MAGI1: variants seen among roughly 807,000 people sequenced by gnomAD.
MAGI1 encodes membrane associated guanylate kinase, WW and PDZ domain containing 1, also known as membrane-associated guanylate kinase, WW and PDZ domain-containing protein 1.
A neutral mutation model predicts 139.9 loss-of-function variants in MAGI1; 58 were observed. The observed-to-expected ratio is 0.41, with a 90% confidence interval of 0.34 to 0.52. The LOEUF is 0.52. Ranked by LOEUF, MAGI1 falls within the 20% of genes least tolerant of loss-of-function variation. The probability of loss-of-function intolerance (pLI) is 0.12; values close to 1 mark genes in which losing one functional copy is unlikely to be tolerated. For synonymous variants in MAGI1, 812 were observed against 737.9 expected, an observed-to-expected ratio of 1.10 and a Z score of -1.63; for missense variants, 1,874 against 1,901.6, an observed-to-expected ratio of 0.99 and a Z score of 0.27.
intron 6 of MAGI1, chr3:65,452,454 A>G (rs1949086944): frequency 6.6e-6 from 1 of 152,246 alleles, no homozygotes; most frequent in Non-Finnish European, 1.5e-5. Flanking sequence ...CCAGAATTGA[A>G]TAATGAGTAG....
intron 1 of MAGI1, among the ~76,000 whole-genome samples, chr3:65,872,403 G>C (rs987110704): frequency 5.3e-5 from 8 of 151,988 alleles, no homozygotes; most frequent in Non-Finnish European, 1.2e-4. Context: ...ATACATATTA[G>C]CCTGTCCCCT....
In MAGI1 at chr3:65,478,731, G is replaced by T; in HGVS notation, c.618C>A (p.Ala206=). The T allele has an allele frequency of 1.2e-6, 2 of 1,614,106 alleles. No homozygotes were observed. Among genetic ancestry groups the T allele is most frequent in the South Asian group, 2.2e-5 (2 of 91,080 alleles). ...PVSGKVITTD[A]LHSLQSGSKQ... Reference sequence around the variant, plus strand: ...TAGAGCCAGACTGAAGGCTGTGCAAGGCATCCGTCGTGATCACTTTCCCAC... The same window carrying T: ...TAGAGCCAGACTGAAGGCTGTGCAATGCATCCGTCGTGATCACTTTCCCAC... The change falls in exon 4 of 23, where the codon GCC becomes GCA. Residue 206 remains alanine (A), a synonymous_variant. Transcript: ENST00000402939.
At chr3:65,693,192 G>A (rs2088834872) in intron 1 of MAGI1, among the ~76,000 whole-genome samples, 1 of 152,056 alleles carries the variant, frequency 6.6e-6, no homozygotes, top group African/African-American at 2.4e-5. Context: ...CAATCCTCCC[G>A]CCTCAGCCTC....
intron 1 of MAGI1, among the ~76,000 whole-genome samples, chr3:65,882,166 G>A (rs113698289): frequency 1.3e-5 from 2 of 152,160 alleles, no homozygotes; most frequent in Non-Finnish European, 2.9e-5. Flanking sequence ...GGGTTGATGT[G>A]AGTTTCTTGG....
At chr3:66,010,646 C>T (rs1045909481) in intron 1 of MAGI1, among the ~76,000 whole-genome samples, 4 of 152,174 alleles carry the variant, frequency 2.6e-5, no homozygotes, top group Admixed American at 1.3e-4. Context: ...ATTAGTAGGA[C>T]AGCTCTTTGA....
intron 1 of MAGI1, among the ~76,000 whole-genome samples, chr3:65,913,656 T>C (rs1047474843): frequency 2.0e-5 from 3 of 152,132 alleles, no homozygotes; most frequent in Non-Finnish European, 4.4e-5. Flanking sequence ...GCCTTTCAAA[T>C]CCCTAACAAA....
intron 1 of MAGI1, among the ~76,000 whole-genome samples, chr3:65,967,455 G>C: frequency 6.6e-6 from 1 of 152,076 alleles, no homozygotes; most frequent in Non-Finnish European, 1.5e-5. Flanking sequence ...ACCCCGACCT[G>C]CCTCCCCTCC....
At position 65,470,394 on chromosome 3, in the gene MAGI1, G is replaced by C. The variant is rs1396032724; in HGVS notation, c.848C>G (p.Pro283Arg). The C allele has an allele frequency of 2.5e-6, 4 of 1,613,904 alleles. No homozygotes were observed. Among genetic ancestry groups the C allele is most frequent in the Non-Finnish European group, 3.4e-6 (4 of 1,179,870 alleles). The change falls in exon 5 of 23, where the codon CCT becomes CGT. Residue 283 changes from proline to arginine, a missense_variant. Coordinates refer to ENST00000402939, the MANE Select transcript of MAGI1 (RefSeq NM_001033057.2). Reference sequence around the variant, plus strand: ...TAGGTATTGAGGGAACTTCTGAGAAGGGTCCGTGATGGGAGCAGCGATGAT... The same window carrying C: ...TAGGTATTGAGGGAACTTCTGAGAACGGTCCGTGATGGGAGCAGCGATGAT... ...SSIIAAPITD[P>R]SQKFPQYLPL...
At chr3:65,716,351 T>C (rs2032244396) in intron 1 of MAGI1, among the ~76,000 whole-genome samples, 1 of 152,144 alleles carries the variant, frequency 6.6e-6, no homozygotes, top group South Asian at 2.1e-4. Context: ...ATAAATATAT[T>C]TCATCCTGAG....
At chr3:65,609,852 T>C (rs191057542) in intron 2 of MAGI1, 132 of 243,544 alleles carry the variant, frequency 5.4e-4, no homozygotes, top group African/African-American at 2.4e-3. Flanking sequence ...GTTGGGATTA[T>C]AGGCTTGAGC....
chr3:65,474,977 T>C (rs1330086322), intron 4 of MAGI1, among the ~76,000 whole-genome samples: 1 of 152,152 alleles, frequency 6.6e-6, no homozygotes, highest in East Asian at 1.9e-4. Flanking sequence ...ATATAGTCCA[T>C]ACTTGAGAAA....
chr3:65,726,208 AG>A (rs2033588467), intron 1 of MAGI1, among the ~76,000 whole-genome samples: 1 of 152,288 alleles, frequency 6.6e-6, no homozygotes, highest in East Asian at 1.9e-4. Flanking sequence ...ATCTTATTTA[AG>A]CTATGCCACC....
chr3:65,920,780 C>T (rs1476358563), intron 1 of MAGI1, among the ~76,000 whole-genome samples: 1 of 152,152 alleles, frequency 6.6e-6, no homozygotes, highest in Non-Finnish European at 1.5e-5. Flanking sequence ...CCTGTAATCC[C>T]AGCACTTTGG....
intron 1 of MAGI1, among the ~76,000 whole-genome samples, chr3:66,016,825 G>A (rs548832586): frequency 6.6e-6 from 1 of 152,330 alleles, no homozygotes; most frequent in East Asian, 1.9e-4. Flanking sequence ...TAGAAGGAAG[G>A]AAATTCTGAC....
At chr3:65,359,671 T>G in intron 22 of MAGI1, 1 of 986,912 alleles carries the variant, frequency 1.0e-6, no homozygotes, top group Non-Finnish European at 1.2e-6. Flanking sequence ...ATTAGAGAGA[T>G]TTAGTCCAAG....
chr3:65,938,858 C>T (rs907992477), intron 1 of MAGI1, among the ~76,000 whole-genome samples: 8 of 152,266 alleles, frequency 5.3e-5, no homozygotes, highest in African/African-American at 1.2e-4. Flanking sequence ...TCCTCAAAGA[C>T]AAAAGAACTG....
At chr3:66,023,490 AT>A (rs1369744088) in intron 1 of MAGI1, among the ~76,000 whole-genome samples, 2 of 152,180 alleles carry the variant, frequency 1.3e-5, no homozygotes, top group East Asian at 3.9e-4. Context: ...ATGCAGAACA[AT>A]CCATTATGCA....
At chr3:65,831,172 G>C (rs1194297692) in intron 1 of MAGI1, among the ~76,000 whole-genome samples, 1 of 152,110 alleles carries the variant, frequency 6.6e-6, no homozygotes, top group East Asian at 1.9e-4. Context: ...CTTCAAGCTA[G>C]AAACCAGCAC....
chr3:65,565,871 A>AAG (rs965504745), intron 2 of MAGI1, among the ~76,000 whole-genome samples: 2 of 149,044 alleles, frequency 1.3e-5, no homozygotes, highest in African/African-American at 4.9e-5. Flanking sequence ...AAAAAAAAAA[A>AAG]AAAGAAACAT....
Sources: allele counts gnomAD v4.1 joint callset (sites outside exome capture counted in the v4.1 genomes callset), GRCh38; gene constraint gnomAD v4.1.1; transcripts MANE v1.5; gene names NCBI Gene and HGNC (gene_info 2026-07-23, HGNC 2026-07-21).